The following TBCD variants were observed in gnomAD, a reference collection of about 807,000 sequenced individuals.
The protein encoded by TBCD is tubulin folding cofactor D.
TBCD carries 105 observed loss-of-function variants against 169.3 expected under a neutral mutation model. That is an observed-to-expected ratio of 0.62 (90% CI 0.53 to 0.73). The LOEUF is 0.73. TBCD is among the 30% of genes least tolerant of loss of function. TBCD has a pLI of 0.00. For missense variants in TBCD, 1,444 were observed against 1,600.1 expected, an observed-to-expected ratio of 0.90 and a Z score of 1.66; for synonymous variants, 700 against 643.9, an observed-to-expected ratio of 1.09 and a Z score of -1.32.
chr17:82,770,855 A>G (rs1290434945), intron 5 of TBCD, among the ~76,000 whole-genome samples: 1 of 152,048 alleles, frequency 6.6e-6, no homozygotes, highest in Non-Finnish European at 1.5e-5. Context: ...CTCTACTAAA[A>G]ATACAAAAAT....
chr17:82,887,166 T>TGTGTGCGCGCGCGC (rs1555632325), intron 15 of TBCD, among the ~76,000 whole-genome samples: 1 of 109,042 alleles, frequency 9.2e-6, no homozygotes, highest in Non-Finnish European at 2.0e-5. Flanking sequence ...TGTGTGTGTG[T>TGTGTGCGCGCGCGC]GTGCGCGCGC....
rs1470404662 is a variant in TBCD, at chr17:82,944,816, A to G, written c.*2353A>G. On this transcript the variant is annotated 3_prime_UTR_variant, in exon 39 of 39. Transcript: ENST00000355528. The stretch of plus-strand genomic sequence containing the variant: ...TGGAATCTAGTCACGCTATTTTGAT[A>G]GCAGAATGGATGAGAGAATTTAAGG... The G allele has an allele frequency of 6.6e-6, 1 of 152,238 alleles. No individual in the cohort carries two copies. The highest frequency in any genetic ancestry group is 2.4e-5 in the African/African-American group (1 of 41,454). The allele number at this position is 152,238 out of a possible 1,614,324, so 9.4% of individuals were successfully genotyped here.
At chr17:82,778,708 C>G (rs928549704) in intron 6 of TBCD, among the ~76,000 whole-genome samples, 3 of 139,730 alleles carry the variant, frequency 2.1e-5, no homozygotes, top group Non-Finnish European at 4.6e-5. Flanking sequence ...TTTGGCTCTA[C>G]TGGAGTGCAA....
Position 82,800,889 on chromosome 17 carries a change from T to A in TBCD, c.843T>A (p.Asp281Glu). Residue 281 changes from aspartate to glutamate, a missense_variant, in exon 9 of 39, where the codon GAT (aspartate) becomes GAA (glutamate). Asp to Glu is a conservative substitution (Grantham distance 45). Coordinates refer to ENST00000355528, the MANE Select transcript of TBCD (RefSeq NM_005993.5). Reference sequence around the variant, plus strand: ...CTGCCACTGTCCTCAGGTGCCTCGATGGCTGCAGACTCCCTGAGAGCAACC... The same window carrying A: ...CTGCCACTGTCCTCAGGTGCCTCGAAGGCTGCAGACTCCCTGAGAGCAACC... ...PYAATVLRCL[D>E]GCRLPESNQT... is the part of the protein sequence containing the mutation. 2 of 1,612,828 alleles carry A rather than the reference T, an allele frequency of 1.2e-6. No individual in the cohort carries two copies. Among genetic ancestry groups the A allele is most frequent in the East Asian group, 4.5e-5 (2 of 44,792 alleles).
chr17:82,908,555 G>A (rs1338178018), intron 21 of TBCD: 4 of 312,056 alleles, frequency 1.3e-5, no homozygotes, highest in South Asian at 5.1e-5. Flanking sequence ...GATTCAGCTC[G>A]GATTCTTATC....
At chr17:82,809,890 C>T (rs904778351) in intron 12 of TBCD, 108 bp downstream of exon 12, 3 of 967,242 alleles carry the variant, frequency 3.1e-6, no homozygotes, top group African/African-American at 1.7e-5. Flanking sequence ...TTTGTCAGAA[C>T]TCCAGAAGCT....
chr17:82,771,725 G>A (rs544237178), intron 5 of TBCD, among the ~76,000 whole-genome samples: 3 of 152,136 alleles, frequency 2.0e-5, no homozygotes, highest in Non-Finnish European at 4.4e-5. Flanking sequence ...AGCCTACAGT[G>A]AGCTTTGCTC....
rs1364543909 is a variant in TBCD at position 82,763,978 on chromosome 17, CTTG to C, written c.256_258del (p.Leu86del). 2 of 1,613,668 alleles carry C rather than the reference CTTG, an allele frequency of 1.2e-6. No individual in the cohort carries two copies. Among genetic ancestry groups the C allele is most frequent in the Admixed American group, 1.7e-5 (1 of 59,960 alleles). ...GTTTTTCCCTAGAATGGATGATGAA[CTTG>C]TTGTTGGACATAGTGCAAGATCAGA... On this transcript the variant is annotated inframe_deletion, in exon 3 of 39. Coordinates refer to ENST00000355528, the MANE Select transcript of TBCD (RefSeq NM_005993.5).
chr17:82,940,242 C>CACACACACACACACAT (rs2063052431), intron 37 of TBCD, among the ~76,000 whole-genome samples: 1 of 151,378 alleles, frequency 6.6e-6, no homozygotes, highest in Non-Finnish European at 1.5e-5. Context: ...CACACACACA[C>CACACACACACACACAT]ACACTTCTAA....
chr17:82,933,941 A>G (rs1031951023), intron 34 of TBCD, among the ~76,000 whole-genome samples: 4 of 152,208 alleles, frequency 2.6e-5, no homozygotes, highest in South Asian at 2.1e-4. Flanking sequence ...TGTCAGGTGG[A>G]CCCAGAGCTG....
At chr17:82,894,980 A>T (rs1351494145) in intron 17 of TBCD, among the ~76,000 whole-genome samples, 2 of 152,218 alleles carry the variant, frequency 1.3e-5, no homozygotes, top group African/African-American at 2.4e-5. Flanking sequence ...CCATCTAAAG[A>T]AAAAGACAAT....
At chr17:82,866,743 G>A (rs1480972978) in intron 13 of TBCD, among the ~76,000 whole-genome samples, 2 of 152,222 alleles carry the variant, frequency 1.3e-5, no homozygotes, top group African/African-American at 4.8e-5. Flanking sequence ...CTCTGCTGCT[G>A]GGACTCAGCC....
At chr17:82,914,389 T>C (rs2147006303) in intron 23 of TBCD, among the ~76,000 whole-genome samples, 1 of 152,284 alleles carries the variant, frequency 6.6e-6, no homozygotes, top group East Asian at 1.9e-4. Flanking sequence ...TCCCTCAGGG[T>C]TCACGGCAGG....
At chr17:82,875,346 G>C (rs2057888610) in intron 14 of TBCD, among the ~76,000 whole-genome samples, 1 of 152,234 alleles carries the variant, frequency 6.6e-6, no homozygotes, top group Non-Finnish European at 1.5e-5. Flanking sequence ...AAGTTAAAGT[G>C]GGACAGAGTG....
chr17:82,905,980 A>G lies in TBCD; in HGVS notation c.1849A>G (p.Met617Val). 6.2e-7 allele frequency: 1 copy of G among 1,613,376 alleles called. No individual in the cohort carries two copies. Among genetic ancestry groups the G allele is most frequent in the Non-Finnish European group, 8.5e-7 (1 of 1,179,612 alleles). ...LSMTLSPDLH[M>V]RHGSILACAE... ...CATGACACTGAGTCCAGATCTTCACATGAGGCATGGGTCGATTCTCGCCTG... is the reference window on the plus strand; with the variant it reads ...CATGACACTGAGTCCAGATCTTCACGTGAGGCATGGGTCGATTCTCGCCTG... The change falls in exon 20 of 39, where the codon ATG (methionine) becomes GTG (valine). Residue 617 changes from methionine to valine, a missense_variant. Met to Val is a conservative substitution (Grantham distance 21, BLOSUM62 1). Coordinates refer to ENST00000355528, the MANE Select transcript of TBCD (RefSeq NM_005993.5).
chr17:82,832,590 G>A lies in TBCD; in HGVS notation c.1318+17656G>A. 1.3e-6 allele frequency: 1 copy of A among 787,300 alleles called. No homozygotes were observed. Among genetic ancestry groups the A allele is most frequent in the South Asian group, 1.5e-5 (1 of 67,206 alleles). 48.8% of individuals were successfully genotyped at this position (787,300 alleles called of 1,614,324 possible). A position where few individuals can be genotyped will look rare whatever the true frequency, so the allele number is the denominator to read the frequency against. On this transcript the variant is annotated intron_variant, in intron 13 of 38. Coordinates refer to ENST00000355528, the MANE Select transcript of TBCD (RefSeq NM_005993.5). The surrounding 1 kb of genome is among the most constrained non-coding windows in gnomAD (Gnocchi z 4.9). ...ATCACTTCTATCAGAAGCCAGCTCT[G>A]CGTGCTGAGGGTCTGGCGAGAGCCT...
rs902383444 is a variant in TBCD at position 82,929,724 on chromosome 17, C to T, written c.2991+224C>T. On this transcript the variant is annotated intron_variant, in intron 32 of 38. Transcript: ENST00000355528. ...TCTGATGAAGGTGGGACAGGGCCAG[C>T]GCCACTCTCTTCCTGCGGCCGCAGC... The T allele has an allele frequency of 2.1e-4, 142 of 661,980 alleles. 1 individual carries two copies. In the South Asian group the frequency reaches 2.3e-3, roughly 11 times the overall value. The allele number at this position is 661,980 out of a possible 1,614,324, so 41.0% of individuals were successfully genotyped here.
chr17:82,809,668 C>T, intron 11 of TBCD, 40 bp from the exon 12 acceptor site: 3 of 1,601,542 alleles, frequency 1.9e-6, no homozygotes, highest in Non-Finnish European at 2.6e-6. Context: ...TGGCGACAGG[C>T]TGGTGGTGCC....
intron 13 of TBCD, among the ~76,000 whole-genome samples, chr17:82,816,575 C>A (rs2051924120): frequency 1.3e-5 from 2 of 152,154 alleles, no homozygotes; most frequent in Non-Finnish European, 2.9e-5. Context: ...ACTTTGTTGC[C>A]CAGGCTGGAG....
Sources: allele counts gnomAD v4.1 joint callset (sites outside exome capture counted in the v4.1 genomes callset), GRCh38; gene constraint gnomAD v4.1.1; non-coding constraint Gnocchi (gnomAD v3.1); transcripts MANE v1.5; gene names NCBI Gene and HGNC (gene_info 2026-07-23, HGNC 2026-07-21).